The following TRIQK variants were observed in gnomAD, a reference collection of about 807,000 sequenced individuals.
The protein encoded by TRIQK is triple QxxK/R motif containing, also known as triple QxxK/R motif-containing protein.
Under a neutral mutation model 10.8 loss-of-function variants are expected in TRIQK, and 10 were observed. The observed-to-expected ratio is 0.92, with a 90% CI of 0.57 to 1.57. TRIQK has a LOEUF of 1.57. Ranked by LOEUF, TRIQK falls within the 40% of genes most tolerant of loss-of-function variation. The pLI is 0.00. For synonymous variants in TRIQK, 33 were observed against 33.7 expected (o/e 0.98, Z 0.07); for missense variants, 107 against 97.7 (o/e 1.09, Z -0.40).
chr8:92,900,555 T>G (rs1808878317), intron 3 of TRIQK, among the ~76,000 whole-genome samples: 1 of 152,166 alleles, frequency 6.6e-6, no homozygotes, highest in South Asian at 2.1e-4. Flanking sequence ...ACTGTAGATG[T>G]AAGAATTTGT....
At chr8:92,981,719 AT>A (rs1213549286) in intron 1 of TRIQK, among the ~76,000 whole-genome samples, 4 of 151,692 alleles carry the variant, frequency 2.6e-5, no homozygotes, top group Non-Finnish European at 5.9e-5. Context: ...ATTTGTTTTC[AT>A]TTTTTTATTA....
intron 1 of TRIQK, among the ~76,000 whole-genome samples, chr8:92,984,701 A>G (rs913668936): frequency 1.3e-5 from 2 of 152,096 alleles, no homozygotes; most frequent in African/African-American, 4.8e-5. Context: ...AGATAAAATA[A>G]TTTTCCATGT....
intron 1 of TRIQK, among the ~76,000 whole-genome samples, chr8:92,997,066 T>A (rs1299336602): frequency 2.0e-5 from 3 of 152,002 alleles, no homozygotes; most frequent in African/African-American, 4.8e-5. Context: ...GTTTCTCTGT[T>A]AGTACTAGGG....
chr8:92,969,310 G>A (rs933216826), upstream of TRIQK, among the ~76,000 whole-genome samples: 2 of 151,958 alleles, frequency 1.3e-5, no homozygotes, highest in Non-Finnish European at 2.9e-5. Flanking sequence ...TTATGTTTCT[G>A]TGTTTCCAAG....
At chr8:92,932,179 T>C (rs1810761336) in intron 2 of TRIQK, among the ~76,000 whole-genome samples, 2 of 152,144 alleles carry the variant, frequency 1.3e-5, no homozygotes, top group African/African-American at 4.8e-5. Flanking sequence ...CTATGGCGTT[T>C]GTGTTCCCGT....
At chr8:92,995,043 A>C (rs1033807700) in intron 1 of TRIQK, among the ~76,000 whole-genome samples, 1 of 151,926 alleles carries the variant, frequency 6.6e-6, no homozygotes, top group African/African-American at 2.4e-5. Flanking sequence ...TTTCCTTGCT[A>C]TTCTACTTTT....
At chr8:93,006,645 A>G (rs1586529981) in intron 1 of TRIQK, among the ~76,000 whole-genome samples, 1 of 152,318 alleles carries the variant, frequency 6.6e-6, no homozygotes, top group African/African-American at 2.4e-5. Context: ...CTGCAGCTCC[A>G]GTCTGCCCCT....
intron 2 of TRIQK, among the ~76,000 whole-genome samples, chr8:92,942,702 C>A (rs1811329649): frequency 6.6e-6 from 1 of 152,122 alleles, no homozygotes; most frequent in African/African-American, 2.4e-5. Context: ...AGTAGTATTT[C>A]TTCTTTGTTT....
At chr8:93,011,013 C>T (rs1813326472) in intron 1 of TRIQK, among the ~76,000 whole-genome samples, 1 of 152,016 alleles carries the variant, frequency 6.6e-6, no homozygotes, top group Non-Finnish European at 1.5e-5. Flanking sequence ...TCAGCTATGG[C>T]ATAACTCACA....
intron 3 of TRIQK, among the ~76,000 whole-genome samples, chr8:92,911,359 A>T (rs1343085937): frequency 4.6e-5 from 7 of 151,354 alleles, no homozygotes; most frequent in Admixed American, 4.0e-4. Context: ...AGCGAGGAAG[A>T]GAGGAACAAA....
chr8:92,991,904 A>G (rs552437314), intron 1 of TRIQK, among the ~76,000 whole-genome samples: 1 of 152,168 alleles, frequency 6.6e-6, no homozygotes, highest in Non-Finnish European at 1.5e-5. Context: ...CCCATTCACA[A>G]TTGCTACAAA....
chr8:92,942,133 T>G (rs1336832166), intron 2 of TRIQK, among the ~76,000 whole-genome samples: 1 of 152,102 alleles, frequency 6.6e-6, no homozygotes, highest in Non-Finnish European at 1.5e-5. Flanking sequence ...AAAAGAAAAC[T>G]ACTCTGATGG....
At chr8:92,970,466 G>A (rs1255597565), upstream of TRIQK, among the ~76,000 whole-genome samples, 2 of 152,146 alleles carry the variant, frequency 1.3e-5, no homozygotes, top group African/African-American at 4.8e-5. Flanking sequence ...AGCATCTGTT[G>A]TTTCTTGACT....
At chr8:92,943,222 A>G (rs1811359097) in intron 2 of TRIQK, among the ~76,000 whole-genome samples, 1 of 152,176 alleles carries the variant, frequency 6.6e-6, no homozygotes, top group African/African-American at 2.4e-5. Context: ...TGGAAGAATC[A>G]CTATTGTAAA....
chr8:92,932,427 A>G (rs1265932406), intron 2 of TRIQK, among the ~76,000 whole-genome samples: 1 of 152,058 alleles, frequency 6.6e-6, no homozygotes. Context: ...TTCTCATTGC[A>G]TGCTATCCTC....
At chr8:92,891,068 G>C (rs190206713) in intron 4 of TRIQK, among the ~76,000 whole-genome samples, 175 of 151,864 alleles carry the variant, frequency 1.2e-3, no homozygotes, top group Non-Finnish European at 2.1e-3. Context: ...ACACGGCAAT[G>C]CTTGATCAAA....
intron 4 of TRIQK, among the ~76,000 whole-genome samples, chr8:92,891,594 T>C (rs1219876437): frequency 3.3e-5 from 5 of 151,808 alleles, no homozygotes; most frequent in African/African-American, 1.2e-4. Flanking sequence ...CAGAGTAAAA[T>C]TACATAATTA....
At chr8:92,893,006 T>C (rs1816838328) in intron 3 of TRIQK, among the ~76,000 whole-genome samples, 1 of 151,952 alleles carries the variant, frequency 6.6e-6, no homozygotes, top group Admixed American at 6.6e-5. Flanking sequence ...GGCTATTTTA[T>C]ATTCTTATTT....
intron 3 of TRIQK, among the ~76,000 whole-genome samples, chr8:92,907,022 A>G (rs1428818262): frequency 5.9e-5 from 9 of 152,212 alleles, no homozygotes; most frequent in South Asian, 2.1e-4. Context: ...CTCATTATCA[A>G]TGACAGAAAT....
Sources: allele counts gnomAD v4.1 joint callset (sites outside exome capture counted in the v4.1 genomes callset), GRCh38; gene constraint gnomAD v4.1.1; transcripts MANE v1.5; gene names NCBI Gene and HGNC (gene_info 2026-07-23, HGNC 2026-07-21).